Variants in ANO4 observed in about 807,000 individuals in gnomAD.
ANO4 encodes the protein anoctamin 4, also known as anoctamin-4.
Under a neutral mutation model 141.9 loss-of-function variants are expected in ANO4, and 69 were observed. The ratio of observed to expected loss-of-function variants is 0.49; its 90% CI spans 0.40 to 0.59. The LOEUF is 0.59. Ranked by LOEUF, ANO4 falls within the 20% of genes least tolerant of loss-of-function variation. The pLI, the probability that ANO4 is intolerant of heterozygous loss-of-function variation, is 0.00. For missense variants in ANO4, 894 were observed against 1,162.2 expected (o/e 0.77, Z 3.36); for synonymous variants, 350 against 394.3 (o/e 0.89, Z 1.33).
chr12:100,789,552 A>G (rs1348355372), intron 3 of ANO4, among the ~76,000 whole-genome samples: 1 of 152,244 alleles, frequency 6.6e-6, no homozygotes, highest in African/African-American at 2.4e-5. Flanking sequence ...TTTGTAGCTC[A>G]GAAAAGTTCT....
chr12:100,846,859 G>A (rs1482873134), intron 1 of ANO4, among the ~76,000 whole-genome samples: 6 of 151,916 alleles, frequency 3.9e-5, no homozygotes, highest in Admixed American at 2.0e-4. Flanking sequence ...TTCTAATGCT[G>A]TTCCTCCATG....
intron 14 of ANO4, 145 bp downstream of exon 14, chr12:101,048,546 T>G (rs1255590866): frequency 1.4e-6 from 1 of 690,778 alleles, no homozygotes. Context: ...GTAAATAATT[T>G]ATTGGGTTTA....
chr12:101,110,342 C>A (rs1289425305), intron 22 of ANO4, 62 bp from the exon 23 acceptor site: 6 of 1,476,418 alleles, frequency 4.1e-6, no homozygotes, highest in Non-Finnish European at 3.6e-6. Flanking sequence ...AGATTATGAT[C>A]CCTTTGAAAA....
intron 6 of ANO4, among the ~76,000 whole-genome samples, chr12:100,973,472 A>G (rs1280476142): frequency 6.6e-6 from 1 of 152,262 alleles, no homozygotes; most frequent in African/African-American, 2.4e-5. Context: ...ATATAGGAAT[A>G]GATTTCTTAT....
At chr12:100,890,782 A>G (rs574928990) in intron 1 of ANO4, among the ~76,000 whole-genome samples, 2 of 152,318 alleles carry the variant, frequency 1.3e-5, no homozygotes, top group South Asian at 2.1e-4. Flanking sequence ...TGATGAACCT[A>G]CATTGACACA....
intron 2 of ANO4, among the ~76,000 whole-genome samples, chr12:100,912,032 G>A (rs936596698): frequency 6.6e-6 from 1 of 152,124 alleles, no homozygotes; most frequent in Non-Finnish European, 1.5e-5. Context: ...CTATGGCATA[G>A]GAAGTGAAGT....
intron 3 of ANO4, among the ~76,000 whole-genome samples, chr12:100,925,856 C>CACAT (rs1555252908): frequency 1.3e-4 from 19 of 149,192 alleles, no homozygotes; most frequent in South Asian, 6.3e-4. Context: ...TACACACACA[C>CACAT]ATATATATAT....
At chr12:101,096,467 A>G in intron 18 of ANO4, 69 bp from the exon 19 acceptor site, 1 of 1,208,680 alleles carries the variant, frequency 8.3e-7, no homozygotes, top group Non-Finnish European at 1.2e-6. Context: ...GTGTGTGGGG[A>G]GGGAAAGAGA....
chr12:100,810,143 C>A (rs979986829), intron 1 of ANO4, among the ~76,000 whole-genome samples: 1 of 147,422 alleles, frequency 6.8e-6, no homozygotes, highest in East Asian at 2.2e-4. Context: ...GGAAAGGGAA[C>A]ATGGTTAGGA....
Position 101,066,578 on chromosome 12 carries a change from T to C in ANO4, c.1313-12615T>C, listed in dbSNP as rs531873222. Among the ~76,000 whole-genome samples, 9 of 152,330 alleles carry C rather than the reference T, an allele frequency of 5.9e-5. No individual in the cohort carries two copies. The East Asian group carries it at 1.5e-3, about 26-fold the overall frequency. On this transcript the variant is annotated intron_variant, in intron 14 of 27. Coordinates refer to ENST00000392977, the MANE Select transcript of ANO4 (RefSeq NM_001286615.2). Reference sequence around the variant, plus strand: ...CAAAAGATCTCCACAATGAAAACTATAGAACACTGACGAAAGAAATGGAAG... The same window carrying C: ...CAAAAGATCTCCACAATGAAAACTACAGAACACTGACGAAAGAAATGGAAG...
chr12:100,767,805 T>A (rs2033149070), intron 3 of ANO4, among the ~76,000 whole-genome samples: 1 of 152,214 alleles, frequency 6.6e-6, no homozygotes, highest in South Asian at 2.1e-4. Flanking sequence ...GTTATAAAAG[T>A]GTATTTTAAG....
intron 3 of ANO4, among the ~76,000 whole-genome samples, chr12:100,936,219 GAATCA>G (rs141216407): frequency 6.6e-6 from 1 of 152,222 alleles, no homozygotes; most frequent in African/African-American, 2.4e-5. Flanking sequence ...GCTCCTTCTA[GAATCA>G]AATCCCTTGG....
intron 2 of ANO4, among the ~76,000 whole-genome samples, chr12:100,910,537 A>G (rs572383641): frequency 1.3e-5 from 2 of 152,224 alleles, no homozygotes; most frequent in African/African-American, 4.8e-5. Flanking sequence ...TCCTTTATGG[A>G]CCAAAAATAT....
At chr12:100,966,861 GTATA>G (rs143291891) in intron 5 of ANO4, among the ~76,000 whole-genome samples, 2 of 144,768 alleles carry the variant, frequency 1.4e-5, no homozygotes, top group Non-Finnish European at 3.0e-5. Context: ...ATACACACAT[GTATA>G]TATATATACA....
intron 3 of ANO4, among the ~76,000 whole-genome samples, chr12:100,751,721 A>G (rs188450735): frequency 1.3e-5 from 2 of 152,128 alleles, no homozygotes; most frequent in African/African-American, 2.4e-5. Context: ...CTCCTTTCTT[A>G]TGGAATGGCA....
At chr12:100,775,270 C>T (rs891212588) in intron 3 of ANO4, among the ~76,000 whole-genome samples, 3 of 152,102 alleles carry the variant, frequency 2.0e-5, no homozygotes, top group Non-Finnish European at 2.9e-5. Context: ...AGAAGTGTAC[C>T]TCCTTGAAAA....
At chr12:100,881,541 C>T (rs1388764710) in intron 1 of ANO4, among the ~76,000 whole-genome samples, 1 of 151,860 alleles carries the variant, frequency 6.6e-6, no homozygotes, top group Non-Finnish European at 1.5e-5. Context: ...TCCATTAAGC[C>T]TTAGCCATGG....
intron 1 of ANO4, among the ~76,000 whole-genome samples, chr12:100,817,721 CT>C (rs1032675023): frequency 6.6e-6 from 1 of 151,820 alleles, no homozygotes; most frequent in Non-Finnish European, 1.5e-5. Context: ...ATCCTAAATG[CT>C]TAGGACTAAT....
At chr12:101,089,219 A>G (rs972989346) in intron 17 of ANO4, among the ~76,000 whole-genome samples, 2 of 152,166 alleles carry the variant, frequency 1.3e-5, no homozygotes, top group Admixed American at 6.5e-5. Flanking sequence ...AACCTACCCA[A>G]TAACAAAGAA....
Sources: allele counts gnomAD v4.1 joint callset (sites outside exome capture counted in the v4.1 genomes callset), GRCh38; gene constraint gnomAD v4.1.1; transcripts MANE v1.5; gene names NCBI Gene and HGNC (gene_info 2026-07-23, HGNC 2026-07-21).